Variants in DNMT1 observed in about 807,000 individuals in gnomAD.
DNMT1 encodes the protein DNA methyltransferase 1, also known as DNA (cytosine-5)-methyltransferase 1.
A neutral mutation model predicts 205.3 loss-of-function variants in DNMT1; 24 were observed. That is an observed-to-expected ratio of 0.12 (90% CI 0.08 to 0.16). DNMT1 has a LOEUF of 0.16. Among genes scored for constraint, DNMT1 ranks in the 10% least tolerant of loss-of-function variants. The pLI is 1.00. For missense variants in DNMT1, 1,293 were observed against 2,177.7 expected (o/e 0.59, Z 8.09); for synonymous variants, 817 against 839.8 (o/e 0.97, Z 0.47).
chr19:10,142,336 C>T, intron 29 of DNMT1, 116 bp from the exon 30 acceptor site: 8 of 1,424,194 alleles, frequency 5.6e-6, no homozygotes, highest in Middle Eastern at 1.9e-4. Flanking sequence ...CCCCCTAGTT[C>T]GAGAACCGCA....
At chr19:10,149,795 C>A (rs769986209) in intron 25 of DNMT1, 58 bp downstream of exon 25, 16 of 1,606,464 alleles carry the variant, frequency 1.0e-5, no homozygotes, top group Non-Finnish European at 1.0e-5. Context: ...GCAAAACAGG[C>A]ATCTCCTACT....
Position 10,137,334 on chromosome 19 carries a change from T to C in DNMT1, c.4294-54A>G. The C allele has an allele frequency of 1.9e-6, 3 of 1,554,024 alleles. No individual in the cohort carries two copies. Among genetic ancestry groups the C allele is most frequent in the Non-Finnish European group, 2.6e-6 (3 of 1,150,428 alleles). ...ACCTCATGTGAGCAGCATCCGAGCATCCATGGTGGGCTGGGAGCTGGGAAC... is the reference window on the plus strand; with the variant it reads ...ACCTCATGTGAGCAGCATCCGAGCACCCATGGTGGGCTGGGAGCTGGGAAC... On this transcript the variant is annotated intron_variant, in intron 36 of 40. Transcript: ENST00000359526. The surrounding 1 kb of genome is among the most constrained non-coding windows in gnomAD (Gnocchi z 6.4).
In DNMT1 at chr19:10,154,267, G is replaced by A. The variant is rs1555691307; in HGVS notation, c.2019+26C>T. 1.9e-6 allele frequency: 3 copies of A among 1,613,092 alleles called. No homozygotes were observed. In the South Asian group the frequency reaches 3.3e-5, roughly 18 times the overall value. ...CCAGAGGCTGGGCCACCTTAGGGGA[G>A]CGGGAGCACCCACAGGTGAGGTTAC... On this transcript the variant is annotated intron_variant, in intron 22 of 40. Coordinates refer to ENST00000359526, the MANE Select transcript of DNMT1 (RefSeq NM_001130823.3). This position sits in a 1 kb window ranked among gnomAD's most constrained non-coding sequence, Gnocchi z 6.3.
intron 1 of DNMT1, among the ~76,000 whole-genome samples, chr19:10,192,845 G>A (rs999333895): frequency 2.0e-5 from 3 of 151,810 alleles, no homozygotes; most frequent in Non-Finnish European, 4.4e-5. Context: ...TCAGGAGTTC[G>A]AGACCAGCCT....
At position 10,136,286 on chromosome 19, in the gene DNMT1, G is replaced by C; in HGVS notation, c.4491C>G (p.Ala1497=). The change falls in exon 38 of 41, where the codon GCC becomes GCG. Residue 1497 remains alanine, a splice_region_variant and synonymous_variant. Transcript: ENST00000359526. ...TGGCTGCGGGGTCGCAGGCTTTGCC[G>C]GCTGGAAGACAGGACAGTGATGAGG... ...ALRGVCSCVE[A]GKACDPAARQ... is the part of the protein sequence containing the mutation. 1.2e-6 allele frequency: 2 copies of C among 1,613,790 alleles called. No individual in the cohort carries two copies. The highest frequency in any genetic ancestry group is 1.7e-6 in the Non-Finnish European group (2 of 1,180,012).
At chr19:10,170,838 G>A (rs1484702365) in intron 9 of DNMT1, among the ~76,000 whole-genome samples, 1 of 151,932 alleles carries the variant, frequency 6.6e-6, no homozygotes, top group Non-Finnish European at 1.5e-5. Context: ...TTATCATCCA[G>A]GCTGGATTGC....
chr19:10,191,823 T>C (rs1344805540), intron 1 of DNMT1, among the ~76,000 whole-genome samples: 2 of 151,354 alleles, frequency 1.3e-5, no homozygotes, highest in East Asian at 3.9e-4. Context: ...AGCAAGACCC[T>C]CATCTCTAAA....
chr19:10,135,373 C>T, intron 39 of DNMT1: 1 of 354,274 alleles, frequency 2.8e-6, no homozygotes, highest in Non-Finnish European at 5.5e-6. Flanking sequence ...CATAGACTAA[C>T]TTGTTAAGCC....
intron 3 of DNMT1, 64 bp downstream of exon 3, chr19:10,180,714 G>C (rs2039030459): frequency 6.5e-7 from 1 of 1,544,150 alleles, no homozygotes; most frequent in Non-Finnish European, 8.9e-7. Flanking sequence ...TGCCTCCCTG[G>C]TCACAGACAA....
chr19:10,191,998 A>G (rs2039313072), intron 1 of DNMT1, among the ~76,000 whole-genome samples: 1 of 151,672 alleles, frequency 6.6e-6, no homozygotes, highest in South Asian at 2.1e-4. Context: ...ATTTTTTTGT[A>G]TTTTTAGTAG....
intron 1 of DNMT1, among the ~76,000 whole-genome samples, chr19:10,183,816 G>A (rs1455519822): frequency 2.0e-5 from 3 of 152,106 alleles, no homozygotes; most frequent in African/African-American, 7.2e-5. Flanking sequence ...GGCAGAGGTT[G>A]CAGTGAGCTG....
chr19:10,162,816 G>T, intron 12 of DNMT1, 68 bp from the exon 13 acceptor site: 2 of 1,547,780 alleles, frequency 1.3e-6, no homozygotes, highest in Non-Finnish European at 1.8e-6. Flanking sequence ...AACTCGCACG[G>T]AAAGTGACAA....
chr19:10,180,960 G>A (rs749239211), intron 2 of DNMT1, 75 bp from the exon 3 acceptor site: 8 of 1,200,754 alleles, frequency 6.7e-6, no homozygotes, highest in Non-Finnish European at 9.8e-6. Flanking sequence ...ACAAATTATT[G>A]AGCTGCCTGA....
chr19:10,146,535 C>CA lies in DNMT1; in HGVS notation c.2721-12dup. ...CAGCTCACACAGAATCTGAAGGAAA[C>CA]AAAGGGACAGAAACATAAGGCCCTG... On this transcript the variant is annotated splice_polypyrimidine_tract_variant and intron_variant, in intron 27 of 40. Transcript: ENST00000359526. This position sits in a 1 kb window ranked among gnomAD's most constrained non-coding sequence, Gnocchi z 4.4. The CA allele has an allele frequency of 6.2e-7, 1 of 1,613,950 alleles. No individual in the cohort carries two copies. The highest frequency in any genetic ancestry group is 1.3e-5 in the African/African-American group (1 of 75,048).
intron 11 of DNMT1, among the ~76,000 whole-genome samples, chr19:10,164,984 C>T (rs8101866): frequency 0.52 from 73,543 of 140,312 alleles, 18,914 homozygotes; most frequent in East Asian, 0.69. Context: ...CTGAATGCAA[C>T]GGTTCATGCC....
intron 29 of DNMT1, among the ~76,000 whole-genome samples, chr19:10,142,589 C>T (rs2089622105): frequency 6.6e-6 from 1 of 151,210 alleles, no homozygotes; most frequent in Non-Finnish European, 1.5e-5. Flanking sequence ...GGTAGATTCC[C>T]CCACAATTAG....
Position 10,168,275 on chromosome 19 carries a change from T to C in DNMT1, c.803+55A>G, listed in dbSNP as rs559976729. On this transcript the variant is annotated intron_variant, in intron 10 of 40. Transcript: ENST00000359526. ...CAACCCGTTATTTTACCAAGATACT[T>C]ATGTTAGCAATTCAGTTTCACAACA... 2.7e-5 allele frequency: 44 copies of C among 1,604,202 alleles called. No individual in the cohort carries two copies. The East Asian group carries it at 9.6e-4, about 35-fold the overall frequency.
At chr19:10,136,781 C>G (rs896293056) in intron 37 of DNMT1, among the ~76,000 whole-genome samples, 1 of 148,008 alleles carries the variant, frequency 6.8e-6, no homozygotes, top group African/African-American at 2.5e-5. Context: ...TTTTTAGAGA[C>G]AGGGTCTCAC....
chr19:10,149,913 T>C lies in DNMT1; in HGVS notation c.2321A>G (p.Glu774Gly), dbSNP rs1346601061. The C allele has an allele frequency of 2.5e-6, 4 of 1,614,164 alleles. No individual in the cohort carries two copies. The Admixed American group carries it at 6.7e-5, about 27-fold the overall frequency. Residue 774 changes from glutamate to glycine, a missense_variant, in exon 25 of 41, where the codon GAA becomes GGA. By Grantham distance (98) the Glu-to-Gly change is moderately conservative. Around this residue, in one of 13 missense-constraint regions of DNMT1, gnomAD observed 197 missense variants for 353.6 expected, o/e 0.56. Coordinates refer to ENST00000359526, the MANE Select transcript of DNMT1 (RefSeq NM_001130823.3). Reference protein sequence around the residue: ...KKVCIDAETLEVGDCVSVIPD... With the variant: ...KKVCIDAETLGVGDCVSVIPD... ...AATAACAGAGACACAGTCCCCCACT[T>C]CCAGGGTTTCCGCATCAATGCACAC...
Sources: allele counts gnomAD v4.1 joint callset (sites outside exome capture counted in the v4.1 genomes callset), GRCh38; gene constraint gnomAD v4.1.1; regional missense constraint gnomAD v4.1.1; non-coding constraint Gnocchi (gnomAD v3.1); transcripts MANE v1.5; gene names NCBI Gene and HGNC (gene_info 2026-07-23, HGNC 2026-07-21).